SCN1A: variants seen among roughly 807,000 people sequenced by gnomAD.
SCN1A encodes the protein sodium channel protein type 1 subunit alpha.
In SCN1A, 13 loss-of-function variants were observed where a neutral mutation model predicts 193.7. That is an observed-to-expected ratio of 0.07 (90% CI 0.04 to 0.11). The LOEUF (loss-of-function observed/expected upper bound fraction) is 0.11. Among genes scored for constraint, SCN1A ranks in the 10% least tolerant of loss-of-function variants. The pLI, the probability that SCN1A is intolerant of heterozygous loss-of-function variation, is 1.00. For missense variants in SCN1A, 1,432 were observed against 2,451.1 expected (o/e 0.58, Z 8.78); for synonymous variants, 781 against 843.6 (o/e 0.93, Z 1.29).
At chr2:166,135,508 G>A (rs112329422) in intron 1 of SCN1A, among the ~76,000 whole-genome samples, 2 of 152,132 alleles carry the variant, frequency 1.3e-5, no homozygotes, top group African/African-American at 2.4e-5. Flanking sequence ...CTAGAATTAG[G>A]TGCTACCATA....
At chr2:166,121,096 A>T (rs1574596694) in intron 2 of SCN1A, among the ~76,000 whole-genome samples, 1 of 150,712 alleles carries the variant, frequency 6.6e-6, no homozygotes. Flanking sequence ...TTGGTGTTAA[A>T]CATGAATGTC....
chr2:166,051,700 A>G lies in SCN1A; in HGVS notation c.964+19T>C. The stretch of plus-strand genomic sequence containing the variant: ...CCAATTCTACTTTTTAAGGAAATGT[A>G]CATAACAATAATTCTTACTTGAATC... On this transcript the variant is annotated intron_variant, in intron 9 of 28. Coordinates refer to ENST00000674923, the MANE Select transcript of SCN1A (RefSeq NM_001165963.4). The G allele has an allele frequency of 6.4e-7, 1 of 1,568,584 alleles. No homozygotes were observed. Among genetic ancestry groups the G allele is most frequent in the Non-Finnish European group, 8.8e-7 (1 of 1,142,848 alleles).
intron 4 of SCN1A, among the ~76,000 whole-genome samples, chr2:166,071,035 A>G (rs1181369589): frequency 6.6e-6 from 1 of 152,206 alleles, no homozygotes; most frequent in Admixed American, 6.5e-5. Flanking sequence ...GATGGAGCCC[A>G]CTAACATATC....
In SCN1A at chr2:166,066,323, G is replaced by A. The variant is rs190395334; in HGVS notation, c.264+7035C>T. ...TGGTCAGTTAATTTTTCTTTGACTG[G>A]AAAGAACACTTTTGAGCCCAGCTTG... On this transcript the variant is annotated intron_variant, in intron 4 of 28. Coordinates refer to ENST00000674923, the MANE Select transcript of SCN1A (RefSeq NM_001165963.4). 3.9e-5 allele frequency among the ~76,000 whole-genome samples: 6 copies of A among 152,228 alleles called. No homozygotes were observed. In the East Asian group the frequency reaches 1.2e-3, roughly 29 times the overall value.
upstream of SCN1A, among the ~76,000 whole-genome samples, chr2:166,132,027 G>A (rs1057200112): frequency 1.4e-4 from 22 of 152,250 alleles, no homozygotes; most frequent in African/African-American, 5.3e-4. Context: ...ACATGAAGCT[G>A]GGTCTCCCCT....
intron 10 of SCN1A, 79 bp from the exon 11 acceptor site, chr2:166,047,847 G>T (rs1698040282): frequency 1.3e-6 from 2 of 1,570,540 alleles, no homozygotes; most frequent in African/African-American, 1.4e-5. Context: ...ATATTGCCTA[G>T]TCAGAAAGAT....
At chr2:166,139,551 C>T (rs902204653) in intron 1 of SCN1A, among the ~76,000 whole-genome samples, 2 of 152,150 alleles carry the variant, frequency 1.3e-5, no homozygotes, top group African/African-American at 4.8e-5. Flanking sequence ...GCCTCCCCAG[C>T]CACGTGGAAC....
chr2:166,021,833 C>G (rs1173238245), intron 19 of SCN1A, among the ~76,000 whole-genome samples: 2 of 152,092 alleles, frequency 1.3e-5, no homozygotes, highest in Non-Finnish European at 2.9e-5. Context: ...AGCCAATGTT[C>G]TCCAGAGATC....
At chr2:166,091,058 C>T (rs113761944) in intron 2 of SCN1A, among the ~76,000 whole-genome samples, 183 of 152,230 alleles carry the variant, frequency 1.2e-3, no homozygotes, top group African/African-American at 4.1e-3. Context: ...ATTTTTGTCT[C>T]CTGTGGCATA....
intron 19 of SCN1A, among the ~76,000 whole-genome samples, chr2:166,027,381 T>G (rs1694936228): frequency 6.6e-6 from 1 of 152,182 alleles, no homozygotes; most frequent in African/African-American, 2.4e-5. Flanking sequence ...GAGTAAGTGA[T>G]TAAATGCTTT....
At chr2:166,037,000 C>G (rs79545604) in intron 18 of SCN1A, among the ~76,000 whole-genome samples, 1,937 of 152,256 alleles carry the variant, frequency 0.013, 15 homozygotes, top group Middle Eastern at 0.044. Context: ...TAGGCTGACA[C>G]TTGTTTTCTT....
chr2:166,137,977 G>A (rs1691929942), intron 1 of SCN1A, among the ~76,000 whole-genome samples: 1 of 152,174 alleles, frequency 6.6e-6, no homozygotes, highest in African/African-American at 2.4e-5. Flanking sequence ...GAGCAAAGGT[G>A]ACTCTTGTTA....
chr2:166,011,310 G>A (rs1308604024), intron 22 of SCN1A, among the ~76,000 whole-genome samples: 2 of 151,224 alleles, frequency 1.3e-5, no homozygotes, highest in Non-Finnish European at 3.0e-5. Context: ...AATCAGGATA[G>A]TTTTGCTGTA....
At position 166,097,077 on chromosome 2, in the gene SCN1A, A is replaced by G. The variant is rs1687468768; in HGVS notation, c.-141-19276T>C. ...GGCTCTGTTGCCCGGGCTGTAGTGC[A>G]GTGGCATGATCGCGGCTCACTGCAA... On this transcript the variant is annotated intron_variant, in intron 2 of 28. Coordinates refer to ENST00000674923, the MANE Select transcript of SCN1A (RefSeq NM_001165963.4). 5.3e-5 allele frequency among the ~76,000 whole-genome samples: 8 copies of G among 151,376 alleles called. No homozygotes were observed. In the South Asian group the frequency reaches 1.4e-3, roughly 27 times the overall value.
Position 166,002,457 on chromosome 2 carries a change from A to G in SCN1A, c.4284+15T>C, listed in dbSNP as rs1190517252. The G allele has an allele frequency of 6.2e-7, 1 of 1,606,054 alleles. No homozygotes were observed. Among genetic ancestry groups the G allele is most frequent in the Non-Finnish European group, 8.5e-7 (1 of 1,174,226 alleles). On this transcript the variant is annotated intron_variant, in intron 24 of 28. Transcript: ENST00000674923. ...CAAACAATAAAAATATTCAGAGAAA[A>G]TAGTGTTCACTTACAACTTGAAGCA...
chr2:166,133,176 G>T lies in SCN1A; in HGVS notation c.-50+15871C>A, dbSNP rs921611705. 3.5e-4 allele frequency among the ~76,000 whole-genome samples: 53 copies of T among 152,124 alleles called. 1 individual carries two copies. Among genetic ancestry groups the T allele is most frequent in the Non-Finnish European group, 7.4e-5 (5 of 68,010 alleles). The stretch of plus-strand genomic sequence containing the variant: ...TAAAAGCAAAAGAGAAAGGAGGGAA[G>T]TTGTGGGATTATGATGGAGATAATC... On this transcript the variant is annotated intron_variant, in intron 1 of 26. Transcript: ENST00000635750.
chr2:165,991,410 T>C lies in SCN1A; in HGVS notation c.5865A>G (p.Ile1955Met), dbSNP rs796052952. 8 of 1,613,868 alleles carry C rather than the reference T, an allele frequency of 5.0e-6. 1 individual carries two copies. The Middle Eastern group carries it at 8.3e-4, about 167-fold the overall frequency. ...NKIKGGANLL[I>M]KEDMIIDRIN... ...TTCTGTCAATTATCATGTCTTCTTTTATAAGAAGATTAGCCCCACCTTTGA... is the reference window on the plus strand; with the variant it reads ...TTCTGTCAATTATCATGTCTTCTTTCATAAGAAGATTAGCCCCACCTTTGA... Residue 1955 changes from isoleucine to methionine, a missense_variant, in exon 29 of 29, where the codon ATA (isoleucine) becomes ATG (methionine). Transcript: ENST00000674923.
In SCN1A at chr2:166,041,614, C is replaced by A. The variant is rs569592488; in HGVS notation, c.2177-145G>T. ...TTTTTTGTACTTGTTAAAAAAATTACAGTTTACTCTAAACCTCCCAAGGAT... is the reference window on the plus strand; with the variant it reads ...TTTTTTGTACTTGTTAAAAAAATTAAAGTTTACTCTAAACCTCCCAAGGAT... On this transcript the variant is annotated intron_variant, in intron 15 of 28. Transcript: ENST00000674923. The A allele has an allele frequency of 4.9e-4, 323 of 656,218 alleles. No individual in the cohort carries two copies. The Middle Eastern group carries it at 7.9e-3, about 16-fold the overall frequency. 40.6% of individuals were successfully genotyped at this position (656,218 alleles called of 1,614,324 possible).
intron 13 of SCN1A, among the ~76,000 whole-genome samples, chr2:166,044,725 T>A (rs1697589571): frequency 6.6e-6 from 1 of 152,150 alleles, no homozygotes; most frequent in Non-Finnish European, 1.5e-5. Flanking sequence ...TTCCACATTT[T>A]TTTTTTTCTT....
Sources: gnomAD v4.1 joint callset for allele counts (sites outside exome capture counted in the v4.1 genomes callset) on GRCh38, gnomAD v4.1.1 for gene constraint, MANE v1.5 for transcripts, NCBI Gene and HGNC (gene_info 2026-07-23, HGNC 2026-07-21) for gene names.